The following ILDR1 variants were observed in gnomAD, a reference collection of about 807,000 sequenced individuals.
ILDR1 encodes the protein immunoglobulin like domain containing receptor 1.
In ILDR1, 56 loss-of-function variants were observed where a neutral mutation model predicts 62.4. The ratio of observed to expected loss-of-function variants is 0.90; its 90% confidence interval spans 0.72 to 1.12. The LOEUF is 1.12. Ranked by LOEUF, ILDR1 falls within the 50% of genes most tolerant of loss-of-function variation. The pLI, the probability that ILDR1 is intolerant of heterozygous loss-of-function variation, is 0.00. For missense variants in ILDR1, 736 were observed against 710.6 expected (o/e 1.04, Z -0.41); for synonymous variants, 284 against 277.8 (o/e 1.02, Z -0.22).
At chr3:122,047,179 T>C in the ILDR1 span, among the ~76,000 whole-genome samples, 1 of 150,182 alleles carries the variant, frequency 6.7e-6, no homozygotes, top group East Asian at 2.0e-4. Context: ...TACCCTGCCG[T>C]GTGAGGTGTC....
chr3:121,988,726 C>T (rs998455008), intron 7 of ILDR1, among the ~76,000 whole-genome samples: 2 of 152,222 alleles, frequency 1.3e-5, no homozygotes, highest in South Asian at 2.1e-4. Flanking sequence ...AAAAGGGGTA[C>T]CCTGTTCCAT....
At chr3:122,005,222 C>A in intron 3 of ILDR1, 22 bp downstream of exon 3, 1 of 1,540,288 alleles carries the variant, frequency 6.5e-7, no homozygotes, top group Non-Finnish European at 9.0e-7. Context: ...CCCAGTTCCC[C>A]TGACACCTCC....
At position 122,021,877 on chromosome 3, in the gene ILDR1, C is replaced by T; in HGVS notation, c.58+143G>A. On this transcript the variant is annotated intron_variant, in intron 1 of 7. Coordinates refer to ENST00000344209, the MANE Select transcript of ILDR1 (RefSeq NM_001199799.2). ...AGGCAGAAACTCGATCCAGTCCCCG[C>T]ACCTCCTGGCGCCCATGCCAAGCGC... The T allele has an allele frequency of 8.2e-6, 6 of 731,858 alleles. No individual in the cohort carries two copies. The South Asian group carries it at 9.9e-5, about 12-fold the overall frequency. The allele number at this position is 731,858 out of a possible 1,614,324, so 45.3% of individuals were successfully genotyped here.
chr3:122,029,511 A>AAAAAAAT, the ILDR1 span, among the ~76,000 whole-genome samples: 53 of 139,498 alleles, frequency 3.8e-4, no homozygotes, highest in African/African-American at 1.4e-3. Flanking sequence ...GTCTAAAAAA[A>AAAAAAAT]ATATATATAT....
intron 5 of ILDR1, among the ~76,000 whole-genome samples, chr3:121,995,044 A>G (rs1381976363): frequency 1.3e-5 from 2 of 152,194 alleles, no homozygotes; most frequent in Non-Finnish European, 2.9e-5. Flanking sequence ...GGCAAAGAAA[A>G]TCATATAAAA....
At chr3:122,023,088 T>G (rs1425225996), upstream of ILDR1, among the ~76,000 whole-genome samples, 1 of 151,112 alleles carries the variant, frequency 6.6e-6, no homozygotes, top group Non-Finnish European at 1.5e-5. Context: ...TTTCCATAGC[T>G]AGGCACTGTT....
rs767668911 is a variant in ILDR1 at position 121,993,212 on chromosome 3, G to C, written c.1537C>G (p.Arg513Gly). ...HWPEEKPPSY[R>G]SLDITPGKNS... Reference sequence around the variant, plus strand: ...TTGCCTGGAGTGATATCAAGTGAGCGGTAGCTAGGCGGCTTCTCCTCGGGC... The same window carrying C: ...TTGCCTGGAGTGATATCAAGTGAGCCGTAGCTAGGCGGCTTCTCCTCGGGC... Residue 513 changes from arginine (R) to glycine (G), a missense_variant, in exon 7 of 8, where the codon CGC (arginine) becomes GGC (glycine). Transcript: ENST00000344209. The C allele has an allele frequency of 1.9e-6, 3 of 1,613,910 alleles. No individual in the cohort carries two copies. Among genetic ancestry groups the C allele is most frequent in the South Asian group, 2.2e-5 (2 of 91,020 alleles).
At chr3:122,006,937 A>G (rs752770181) in intron 2 of ILDR1, 54 bp downstream of exon 2, 11 of 1,559,434 alleles carry the variant, frequency 7.1e-6, no homozygotes, top group East Asian at 2.3e-5. Flanking sequence ...TAACCGCAGT[A>G]TGTCACAGAG....
At chr3:121,997,903 T>C (rs2071461442) in intron 5 of ILDR1, among the ~76,000 whole-genome samples, 1 of 152,216 alleles carries the variant, frequency 6.6e-6, no homozygotes, top group Admixed American at 6.5e-5. Flanking sequence ...TAAAATTTGG[T>C]CTTATTTTCA....
intron 3 of ILDR1, 150 bp from the exon 4 acceptor site, chr3:122,002,014 C>A: frequency 3.4e-6 from 2 of 591,128 alleles, no homozygotes; most frequent in East Asian, 3.4e-5. Flanking sequence ...GTGGCATGTG[C>A]CTATAGTCCC....
intron 5 of ILDR1, among the ~76,000 whole-genome samples, chr3:122,000,446 G>A (rs550570833): frequency 1.1e-4 from 17 of 152,336 alleles, no homozygotes; most frequent in Non-Finnish European, 1.9e-4. Context: ...GAGGTCCTGG[G>A]AGGGTGGCAC....
At chr3:122,058,105 A>T in the ILDR1 span, among the ~76,000 whole-genome samples, 1 of 152,222 alleles carries the variant, frequency 6.6e-6, no homozygotes. Flanking sequence ...CTAAGTACTC[A>T]GGAATTGTTA....
At chr3:122,058,583 G>C in the ILDR1 span, among the ~76,000 whole-genome samples, 1 of 152,072 alleles carries the variant, frequency 6.6e-6, no homozygotes, top group Non-Finnish European at 1.5e-5. Flanking sequence ...AGGTGCATGG[G>C]GGAATTTTAA....
chr3:122,047,495 C>G, the ILDR1 span, among the ~76,000 whole-genome samples: 1 of 152,236 alleles, frequency 6.6e-6, no homozygotes, highest in Non-Finnish European at 1.5e-5. Flanking sequence ...TGGGCAATGG[C>G]GGGCGCCCCT....
At chr3:122,031,473 A>C in the ILDR1 span, among the ~76,000 whole-genome samples, 7,340 of 152,250 alleles carry the variant, frequency 0.048, 1,098 homozygotes, top group East Asian at 0.62. Flanking sequence ...CACAGATTAC[A>C]TTTATCAACT....
the ILDR1 span, among the ~76,000 whole-genome samples, chr3:122,028,065 C>T: frequency 7.2e-5 from 11 of 151,896 alleles, no homozygotes; most frequent in Admixed American, 3.9e-4. Context: ...CGGTGGCTCA[C>T]GCCTGTAATC....
chr3:122,045,707 T>G, the ILDR1 span, among the ~76,000 whole-genome samples: 1 of 151,296 alleles, frequency 6.6e-6, no homozygotes, highest in Admixed American at 6.6e-5. Flanking sequence ...TTTGTTGGTT[T>G]AACGTCTGTT....
At chr3:122,014,343 G>GT (rs573571130) in intron 1 of ILDR1, among the ~76,000 whole-genome samples, 9 of 151,480 alleles carry the variant, frequency 5.9e-5, no homozygotes, top group Admixed American at 2.6e-4. Context: ...TTCCTATGTT[G>GT]TTTTTTTTAA....
Position 121,993,858 on chromosome 3 carries a change from G to C in ILDR1, c.891C>G (p.Asn297Lys). Reference sequence around the variant, plus strand: ...GGTCAGGGGGCAGAGGCTGGGCCAGGTTGAGGTTCCGCAGTTCTTTCTCCA... The same window carrying C: ...GGTCAGGGGGCAGAGGCTGGGCCAGCTTGAGGTTCCGCAGTTCTTTCTCCA... ...EYLEKELRNLNLAQPLPPDLK... is the reference protein window; with the variant it reads ...EYLEKELRNLKLAQPLPPDLK... Residue 297 changes from asparagine (N) to lysine (K), a missense_variant, in exon 7 of 8, where the codon AAC (asparagine) becomes AAG (lysine). By Grantham distance (94) the Asn-to-Lys change is moderately conservative. Transcript: ENST00000344209. The C allele has an allele frequency of 6.2e-7, 1 of 1,614,148 alleles. No homozygotes were observed. The highest frequency in any genetic ancestry group is 8.5e-7 in the Non-Finnish European group (1 of 1,180,020).
Sources: gnomAD v4.1 joint callset for allele counts (sites outside exome capture counted in the v4.1 genomes callset) on GRCh38, gnomAD v4.1.1 for gene constraint, MANE v1.5 for transcripts, NCBI Gene and HGNC (gene_info 2026-07-23, HGNC 2026-07-21) for gene names.